MID1: variants seen among roughly 807,000 people sequenced by gnomAD.
MID1 encodes midline 1, also known as E3 ubiquitin-protein ligase Midline-1.
In MID1, 7 loss-of-function variants were observed where a neutral mutation model predicts 40.4. That is an observed-to-expected ratio of 0.17 (90% confidence interval 0.10 to 0.33). The LOEUF is 0.33. Among genes scored for constraint, MID1 ranks in the 10% least tolerant of loss-of-function variants. MID1 has a pLI of 1.00. For missense variants in MID1, 367 were observed against 558.5 expected (o/e 0.66, Z 3.46); for synonymous variants, 229 against 221.2 (o/e 1.04, Z -0.31).
intron 1 of MID1, among the ~76,000 whole-genome samples, chrX:10,597,538 A>G (rs770359282): frequency 8.9e-6 from 1 of 112,225 alleles, no homozygotes; most frequent in South Asian, 3.7e-4. Flanking sequence ...AGTGGCAAAC[A>G]AACAAACAAA....
intron 2 of MID1, among the ~76,000 whole-genome samples, chrX:10,563,421 G>A (rs184589126): frequency 8.3e-4 from 93 of 111,535 alleles, no homozygotes; most frequent in Admixed American, 2.7e-3. Context: ...AACCTTGTAT[G>A]TTGGAACAGA....
intron 2 of MID1, among the ~76,000 whole-genome samples, chrX:10,526,466 T>A (rs542785392): frequency 1.2e-4 from 13 of 111,862 alleles, no homozygotes; most frequent in African/African-American, 4.2e-4. Flanking sequence ...TTTGTCAACT[T>A]TTTTGGTATG....
intron 1 of MID1, among the ~76,000 whole-genome samples, chrX:10,576,019 A>T (rs767269790): frequency 9.1e-6 from 1 of 109,474 alleles, no homozygotes; most frequent in African/African-American, 3.3e-5. Context: ...AAAAAAAGTG[A>T]CAAGCAGATG....
chrX:10,784,869 A>T (rs1401829622), intron 1 of MID1, among the ~76,000 whole-genome samples: 1 of 111,370 alleles, frequency 9.0e-6, no homozygotes, highest in African/African-American at 3.3e-5. Flanking sequence ...AGCCAATATC[A>T]TACTGAATGA....
chrX:10,685,588 A>G (rs2043089840), intron 1 of MID1, among the ~76,000 whole-genome samples: 1 of 111,489 alleles, frequency 9.0e-6, no homozygotes. Context: ...CAGAGAGGCC[A>G]AGAAGAATCT....
chrX:10,580,423 G>A (rs1934982589), intron 1 of MID1, among the ~76,000 whole-genome samples: 1 of 111,367 alleles, frequency 9.0e-6, no homozygotes, highest in Non-Finnish European at 1.9e-5. Context: ...AGAACTCCCA[G>A]GGAAACTAGG....
intron 1 of MID1, among the ~76,000 whole-genome samples, chrX:10,702,045 CA>C (rs762954560): frequency 4.4e-5 from 5 of 112,598 alleles, no homozygotes; most frequent in Non-Finnish European, 7.5e-5. Flanking sequence ...TGAATGCATG[CA>C]GTGAACATAT....
chrX:10,593,739 T>C (rs975423247), intron 1 of MID1, among the ~76,000 whole-genome samples: 1 of 99,227 alleles, frequency 1.0e-5, no homozygotes, highest in Admixed American at 1.1e-4. Flanking sequence ...ACTCTGTCTC[T>C]CTACCTCTGT....
intron 8 of MID1, among the ~76,000 whole-genome samples, chrX:10,458,120 C>CCAAA (rs978148068): frequency 8.9e-6 from 1 of 112,452 alleles, no homozygotes; most frequent in Non-Finnish European, 1.9e-5. Flanking sequence ...GCACAGCATC[C>CCAAA]CAAACACACT....
chrX:10,547,572 C>CA (rs1171938473), intron 2 of MID1, among the ~76,000 whole-genome samples: 706 of 14,208 alleles, frequency 0.05, 21 homozygotes, highest in African/African-American at 0.088. Flanking sequence ...GACTCTGTCT[C>CA]AAAAAAAAAA....
chrX:10,787,995 C>T (rs1019917978), intron 1 of MID1, among the ~76,000 whole-genome samples: 1 of 110,868 alleles, frequency 9.0e-6, no homozygotes, highest in Non-Finnish European at 1.9e-5. Context: ...CATCATTTTA[C>T]AGATGAGGAA....
rs2147287570 is a variant in MID1, at chrX:10,474,731, A to G, written c.1033T>C (p.Ser345Pro). 1 of 1,208,184 alleles carries G rather than the reference A, an allele frequency of 8.3e-7. No homozygotes were observed. The change falls in exon 6 of 10, where the codon TCC becomes CCC. Residue 345 changes from serine to proline, a missense_variant. Physicochemically the swap from Ser to Pro is moderately conservative, Grantham distance 74. Transcript: ENST00000317552. ...ATTTCAGGAATTAGAACCTGGGAGG[A>G]TGCAGTTGCCATGGAGACTCTGTAA... ...ITERVSMATA[S>P]SQVLIPEINL... is the part of the protein sequence containing the mutation.
chrX:10,533,303 T>G (rs1338291553), intron 2 of MID1, among the ~76,000 whole-genome samples: 1 of 77,838 alleles, frequency 1.3e-5, no homozygotes, highest in Non-Finnish European at 2.5e-5. Flanking sequence ...CTCTTTTTAA[T>G]AATCCAAGAA....
chrX:10,507,103 C>A (rs374857137), intron 3 of MID1, among the ~76,000 whole-genome samples: 8 of 111,710 alleles, frequency 7.2e-5, no homozygotes, highest in African/African-American at 2.3e-4. Context: ...TTTTTTAAAG[C>A]TTGAGTTAAG....
intron 1 of MID1, among the ~76,000 whole-genome samples, chrX:10,725,440 A>G (rs951928390): frequency 4.5e-5 from 5 of 112,200 alleles, no homozygotes; most frequent in African/African-American, 9.7e-5. Context: ...GCATGTAACC[A>G]TTTTTTAAAT....
chrX:10,470,485 G>T (rs1929642943), intron 6 of MID1, among the ~76,000 whole-genome samples: 2 of 111,826 alleles, frequency 1.8e-5, no homozygotes, highest in Admixed American at 1.9e-4. Flanking sequence ...CAAAAAATCA[G>T]CCACATAATT....
At chrX:10,772,570 A>T (rs2043778025) in intron 1 of MID1, among the ~76,000 whole-genome samples, 1 of 110,509 alleles carries the variant, frequency 9.0e-6, no homozygotes, top group Non-Finnish European at 1.9e-5. Flanking sequence ...GAAATAAAAA[A>T]TTTTTAAAAA....
chrX:10,607,650 A>C (rs1935649807), intron 1 of MID1, among the ~76,000 whole-genome samples: 2 of 112,492 alleles, frequency 1.8e-5, no homozygotes, highest in African/African-American at 6.5e-5. Context: ...AATTTATGCA[A>C]ATGCAAAGGC....
At chrX:10,746,792 A>C (rs972263923) in intron 1 of MID1, among the ~76,000 whole-genome samples, 1 of 109,385 alleles carries the variant, frequency 9.1e-6, no homozygotes, top group African/African-American at 3.3e-5. Context: ...TTTAATAAGT[A>C]AGTATTATTA....
Sources: allele counts gnomAD v4.1 joint callset (sites outside exome capture counted in the v4.1 genomes callset), GRCh38; gene constraint gnomAD v4.1.1; transcripts MANE v1.5; gene names NCBI Gene and HGNC (gene_info 2026-07-23, HGNC 2026-07-21).